SYNPR: variants seen among roughly 807,000 people sequenced by gnomAD.
SYNPR encodes synaptoporin.
Under a neutral mutation model 32.9 loss-of-function variants are expected in SYNPR, and 23 were observed. The ratio of observed to expected loss-of-function variants is 0.70; its 90% confidence interval spans 0.50 to 0.99. SYNPR has a LOEUF of 0.99. SYNPR is among the 50% of genes least tolerant of loss of function. The probability of loss-of-function intolerance (pLI) is 0.00; values close to 1 mark genes in which losing one functional copy is unlikely to be tolerated. For missense variants in SYNPR, 318 were observed against 349.3 expected, an observed-to-expected ratio of 0.91 and a Z score of 0.71; for synonymous variants, 146 against 135.9, an observed-to-expected ratio of 1.07 and a Z score of -0.52.
intron 2 of SYNPR, among the ~76,000 whole-genome samples, chr3:63,440,486 G>A (rs1700150784): frequency 6.6e-6 from 1 of 152,158 alleles, no homozygotes; most frequent in Non-Finnish European, 1.5e-5. Flanking sequence ...CTAGGGGTAA[G>A]AGTGAAAGCA....
At chr3:63,496,927 A>C (rs1360090419) in intron 3 of SYNPR, among the ~76,000 whole-genome samples, 5 of 152,152 alleles carry the variant, frequency 3.3e-5, no homozygotes, top group Admixed American at 2.6e-4. Context: ...TTAAAAATGA[A>C]AAGGGAATGG....
chr3:63,349,947 T>C (rs1262999845), intron 2 of SYNPR, among the ~76,000 whole-genome samples: 1 of 152,246 alleles, frequency 6.6e-6, no homozygotes, highest in Non-Finnish European at 1.5e-5. Flanking sequence ...GTTGTCCATG[T>C]ACATTTAAGG....
At chr3:63,524,804 T>A (rs1251262898) in intron 3 of SYNPR, among the ~76,000 whole-genome samples, 1 of 151,388 alleles carries the variant, frequency 6.6e-6, no homozygotes, top group East Asian at 1.9e-4. Flanking sequence ...AGTATGGAGT[T>A]CAAAATGCAT....
chr3:63,503,875 A>G (rs181268833), intron 3 of SYNPR, among the ~76,000 whole-genome samples: 2 of 152,180 alleles, frequency 1.3e-5, no homozygotes, highest in African/African-American at 2.4e-5. Context: ...AATTATTTAG[A>G]TATCAATAAT....
intron 2 of SYNPR, among the ~76,000 whole-genome samples, chr3:63,286,690 G>T (rs2086686718): frequency 6.6e-6 from 1 of 152,142 alleles, no homozygotes; most frequent in African/African-American, 2.4e-5. Flanking sequence ...ATCTTCTGTG[G>T]GGATGTATTT....
intron 4 of SYNPR, chr3:63,561,588 G>A (rs1702689887): frequency 6.8e-6 from 1 of 146,410 alleles, no homozygotes; most frequent in South Asian, 2.3e-4. Context: ...TTGCTCATTT[G>A]ACTGTCATAG....
chr3:63,499,315 T>C (rs948229206), intron 3 of SYNPR, among the ~76,000 whole-genome samples: 14 of 152,276 alleles, frequency 9.2e-5, no homozygotes, highest in Middle Eastern at 6.8e-3. Context: ...CAGTTGGTTG[T>C]TCTATTTTGG....
chr3:63,478,651 C>T (rs1700980371), intron 2 of SYNPR, among the ~76,000 whole-genome samples: 1 of 152,188 alleles, frequency 6.6e-6, no homozygotes, highest in African/African-American at 2.4e-5. Flanking sequence ...TCACACAAAT[C>T]TCTGCATGAA....
intron 2 of SYNPR, among the ~76,000 whole-genome samples, chr3:63,355,970 G>C (rs2087572883): frequency 6.6e-6 from 1 of 152,186 alleles, no homozygotes; most frequent in African/African-American, 2.4e-5. Context: ...GATATGATGT[G>C]GTTTCTCTGC....
intron 2 of SYNPR, among the ~76,000 whole-genome samples, chr3:63,254,224 C>T (rs7646573): frequency 0.76 from 115,220 of 151,802 alleles, 44,538 homozygotes; most frequent in Middle Eastern, 0.85. Flanking sequence ...TGTTAAATGA[C>T]GAGATAATGG....
chr3:63,540,930 A>AAC (rs58295090), intron 3 of SYNPR, among the ~76,000 whole-genome samples: 3,519 of 122,772 alleles, frequency 0.029, 66 homozygotes, highest in South Asian at 0.06. Context: ...TCCCCCCCCC[A>AAC]ACACACACAC....
chr3:63,228,159 G>A (rs150873767), upstream of SYNPR, among the ~76,000 whole-genome samples: 457 of 152,286 alleles, frequency 3.0e-3, 1 homozygote, highest in African/African-American at 0.01. Flanking sequence ...TTTGATGACT[G>A]GGATAGCAGT....
In SYNPR at chr3:63,615,510, C is replaced by T. The variant is rs561491908; in HGVS notation, c.*29C>T. 4.0e-5 allele frequency: 64 copies of T among 1,595,032 alleles called. No individual in the cohort carries two copies. The East Asian group carries it at 1.0e-3, about 26-fold the overall frequency. ...AGTAGCATTTGCATTCTTCTGCAGT[C>T]GCCTCACCATCTTCCATTTCAGTGG... On this transcript the variant is annotated 3_prime_UTR_variant, in exon 6 of 6. Transcript: ENST00000478300.
chr3:63,276,796 A>C (rs1165704838), upstream of SYNPR, among the ~76,000 whole-genome samples: 1 of 152,158 alleles, frequency 6.6e-6, no homozygotes, highest in Non-Finnish European at 1.5e-5. Context: ...TTTCTGCAGC[A>C]AAATTCATGA....
At chr3:63,243,593 C>T (rs1282361982) in intron 1 of SYNPR, among the ~76,000 whole-genome samples, 1 of 152,028 alleles carries the variant, frequency 6.6e-6, no homozygotes, top group African/African-American at 2.4e-5. Flanking sequence ...TCCTGCCAAA[C>T]TTTTATCAAG....
rs554940457 is a variant in SYNPR, at chr3:63,404,550, TC to T, written c.85-76281del. 5.7e-3 allele frequency among the ~76,000 whole-genome samples: 870 copies of T among 152,272 alleles called. 5 individuals carry two copies. Among genetic ancestry groups the T allele is most frequent in the Middle Eastern group, 0.02 (6 of 294 alleles). ...CTTTCTGATTTTCCTTAGAACTGGGTCAGACTGCCATTTTTATAAACTATCA... is the reference window on the plus strand; with the variant it reads ...CTTTCTGATTTTCCTTAGAACTGGGTAGACTGCCATTTTTATAAACTATCA... On this transcript the variant is annotated intron_variant, in intron 2 of 5. Transcript: ENST00000478300.
At chr3:63,264,324 C>T (rs925559085) in intron 2 of SYNPR, among the ~76,000 whole-genome samples, 7 of 151,974 alleles carry the variant, frequency 4.6e-5, no homozygotes, top group Admixed American at 3.3e-4. Context: ...ATTAGCAGAT[C>T]GGTGATGAAT....
intron 2 of SYNPR, among the ~76,000 whole-genome samples, chr3:63,388,706 G>C (rs1339799613): frequency 6.6e-6 from 1 of 151,824 alleles, no homozygotes; most frequent in Non-Finnish European, 1.5e-5. Flanking sequence ...GGGATTATAG[G>C]CGTGAGCCAC....
At chr3:63,591,392 G>A (rs1243311355) in intron 4 of SYNPR, among the ~76,000 whole-genome samples, 1 of 128,386 alleles carries the variant, frequency 7.8e-6, no homozygotes, top group Non-Finnish European at 1.6e-5. Flanking sequence ...GTGGAAGTCA[G>A]TGTGGCGATT....
Sources: allele counts gnomAD v4.1 joint callset (sites outside exome capture counted in the v4.1 genomes callset), GRCh38; gene constraint gnomAD v4.1.1; transcripts MANE v1.5; gene names NCBI Gene and HGNC (gene_info 2026-07-23, HGNC 2026-07-21).